The following ACYP2 variants were observed in gnomAD, a reference collection of about 807,000 sequenced individuals.
ACYP2 encodes the protein acylphosphatase 2, also known as acylphosphatase-2.
A neutral mutation model predicts 11.2 loss-of-function variants in ACYP2; 12 were observed. The ratio of observed to expected loss-of-function variants is 1.08; its 90% CI spans 0.69 to 1.74. The LOEUF is 1.74. ACYP2 is among the 40% of genes most tolerant of loss of function. The pLI, the probability that ACYP2 is intolerant of heterozygous loss-of-function variation, is 0.00. For synonymous variants in ACYP2, 43 were observed against 32.2 expected (o/e 1.33, Z -1.13); for missense variants, 134 against 101.9 (o/e 1.31, Z -1.35).
chr2:54,164,480 C>G (rs1346495455), intron 6 of ACYP2, among the ~76,000 whole-genome samples: 1 of 152,076 alleles, frequency 6.6e-6, no homozygotes, highest in African/African-American at 2.4e-5. Context: ...GGCTGAAACA[C>G]TTGTTGGTAG....
chr2:54,225,317 G>GT (rs1270497501), intron 6 of ACYP2, among the ~76,000 whole-genome samples: 1 of 152,168 alleles, frequency 6.6e-6, no homozygotes, highest in South Asian at 2.1e-4. Context: ...GGTCTGGCAT[G>GT]TTTTTTCCAT....
chr2:54,247,985 G>T (rs1295509378), intron 6 of ACYP2, among the ~76,000 whole-genome samples: 6 of 152,228 alleles, frequency 3.9e-5, no homozygotes, highest in African/African-American at 1.4e-4. Context: ...TGGCTACCAT[G>T]CCCTAAGACT....
chr2:54,229,814 A>C (rs997864604), intron 6 of ACYP2, among the ~76,000 whole-genome samples: 4 of 152,178 alleles, frequency 2.6e-5, no homozygotes, highest in African/African-American at 9.6e-5. Flanking sequence ...TTGTACTAAG[A>C]AGCTGTTTTC....
chr2:54,064,333 G>A (rs777598291), intron 4 of ACYP2, among the ~76,000 whole-genome samples: 4 of 152,276 alleles, frequency 2.6e-5, no homozygotes, highest in Non-Finnish European at 5.9e-5. Flanking sequence ...TATCTGGGTC[G>A]GGAGCCAGAA....
intron 2 of ACYP2, among the ~76,000 whole-genome samples, chr2:54,045,815 C>T (rs1363416174): frequency 6.7e-6 from 1 of 148,966 alleles, no homozygotes; most frequent in Non-Finnish European, 1.5e-5. Flanking sequence ...GACTCTGTCC[C>T]AGAAAAAAAA....
At chr2:54,150,862 C>T (rs1191360044) in intron 6 of ACYP2, among the ~76,000 whole-genome samples, 3 of 151,932 alleles carry the variant, frequency 2.0e-5, no homozygotes, top group Non-Finnish European at 4.4e-5. Context: ...CTGCCTCAGC[C>T]TCCCGAGTAG....
At chr2:54,277,884 CATTTT>C (rs1381286391) in intron 6 of ACYP2, among the ~76,000 whole-genome samples, 2 of 152,062 alleles carry the variant, frequency 1.3e-5, no homozygotes, top group Non-Finnish European at 2.9e-5. Flanking sequence ...ACTTTAAAAA[CATTTT>C]ATTATAGGAA....
intron 6 of ACYP2, among the ~76,000 whole-genome samples, chr2:54,218,639 T>A (rs10193027): frequency 0.012 from 1,832 of 150,194 alleles, 38 homozygotes; most frequent in African/African-American, 0.044. Flanking sequence ...GTTTTTGTGT[T>A]TTTTTCCTTT....
At chr2:54,157,230 T>G (rs1355262825) in intron 6 of ACYP2, among the ~76,000 whole-genome samples, 2 of 152,298 alleles carry the variant, frequency 1.3e-5, no homozygotes, top group East Asian at 1.9e-4. Flanking sequence ...AAAATACATG[T>G]AATATAATCC....
chr2:54,304,540 T>C (rs1689844757), intron 6 of ACYP2, 148 bp from the exon 4 acceptor site: 3 of 567,238 alleles, frequency 5.3e-6, no homozygotes, highest in South Asian at 2.5e-5. Context: ...TAGAGTGATA[T>C]ATACAATGTA....
At chr2:54,280,321 A>C (rs1267218263) in intron 6 of ACYP2, among the ~76,000 whole-genome samples, 1 of 152,194 alleles carries the variant, frequency 6.6e-6, no homozygotes, top group Middle Eastern at 3.2e-3. Flanking sequence ...AGATTCTGCC[A>C]AGTTTCAGAA....
At chr2:54,217,764 G>A (rs961710981) in intron 6 of ACYP2, among the ~76,000 whole-genome samples, 1 of 152,152 alleles carries the variant, frequency 6.6e-6, no homozygotes, top group Non-Finnish European at 1.5e-5. Flanking sequence ...AAAAAAGTAA[G>A]AGTATTACGT....
intron 6 of ACYP2, among the ~76,000 whole-genome samples, chr2:54,150,221 G>A (rs1365609199): frequency 6.6e-6 from 1 of 152,170 alleles, no homozygotes; most frequent in East Asian, 1.9e-4. Flanking sequence ...TGGGCAGAGT[G>A]GAGTTGTTAC....
Position 54,273,196 on chromosome 2 carries a change from C to G in ACYP2, c.405-31492C>G, listed in dbSNP as rs186275138. Among the ~76,000 whole-genome samples, 101 of 152,298 alleles carry G rather than the reference C, an allele frequency of 6.6e-4. 1 individual carries two copies. The highest frequency in any genetic ancestry group is 2.4e-3 in the African/African-American group (100 of 41,570). ...AACCCAATTTTGAACAAATGACAAA[C>G]TATGGTGCACATGCATTAACATTTC... On this transcript the variant is annotated intron_variant, in intron 6 of 6. Coordinates refer to ENST00000607452, the MANE Select transcript of ACYP2 (RefSeq NM_001320586.2).
At chr2:53,993,437 G>T (rs1672402684) in intron 2 of ACYP2, among the ~76,000 whole-genome samples, 1 of 152,016 alleles carries the variant, frequency 6.6e-6, no homozygotes, top group Non-Finnish European at 1.5e-5. Flanking sequence ...GCCGGGCGTG[G>T]TGGTTCAAGC....
intron 6 of ACYP2, chr2:54,255,616 G>T (rs536750975): frequency 6.2e-7 from 1 of 1,613,446 alleles, no homozygotes; most frequent in Non-Finnish European, 8.5e-7. Context: ...CTCATCTATT[G>T]CTCTGTTTTC....
chr2:54,116,876 G>A (rs180799339), intron 4 of ACYP2, among the ~76,000 whole-genome samples: 29 of 152,262 alleles, frequency 1.9e-4, no homozygotes, highest in African/African-American at 6.7e-4. Flanking sequence ...TAAAGAGCAG[G>A]CGTACGAGCT....
intron 6 of ACYP2, among the ~76,000 whole-genome samples, chr2:54,225,798 T>TA (rs1685989395): frequency 6.6e-6 from 1 of 152,156 alleles, no homozygotes; most frequent in South Asian, 2.1e-4. Context: ...ATTTTTTTTT[T>TA]ACTTGTTTCT....
At chr2:54,063,551 A>G (rs1676578610) in intron 4 of ACYP2, among the ~76,000 whole-genome samples, 1 of 152,198 alleles carries the variant, frequency 6.6e-6, no homozygotes, top group South Asian at 2.1e-4. Context: ...ACAGAGAGAA[A>G]TCAGGCAATT....
Sources: gnomAD v4.1 joint callset for allele counts (sites outside exome capture counted in the v4.1 genomes callset) on GRCh38, gnomAD v4.1.1 for gene constraint, MANE v1.5 for transcripts, NCBI Gene and HGNC (gene_info 2026-07-23, HGNC 2026-07-21) for gene names.